PIGK: variants seen among roughly 807,000 people sequenced by gnomAD.
The protein encoded by PIGK is GPI-anchor transamidase.
PIGK carries 42 observed loss-of-function variants against 50.6 expected under a neutral mutation model. The observed-to-expected ratio is 0.83, with a 90% CI of 0.65 to 1.07. PIGK has a LOEUF of 1.07. Among genes scored for constraint, PIGK ranks in the 50% least tolerant of loss-of-function variants. PIGK has a pLI of 0.00. For synonymous variants in PIGK, 151 were observed against 156.0 expected, an observed-to-expected ratio of 0.97 and a Z score of 0.24; for missense variants, 448 against 488.7, an observed-to-expected ratio of 0.92 and a Z score of 0.78.
chr1:77,169,946 C>T lies in PIGK; in HGVS notation c.240-551G>A, dbSNP rs1169055368. Among the ~76,000 whole-genome samples, 4 of 152,254 alleles carry T rather than the reference C, an allele frequency of 2.6e-5. No homozygotes were observed. The East Asian group carries it at 7.7e-4, about 29-fold the overall frequency. ...ACAATCAGTTTAGCACAAGAGCACA[C>T]CTCCAAGCCAATCACTCCTCACAAG... On this transcript the variant is annotated intron_variant, in intron 3 of 10. Transcript: ENST00000370812.
intron 3 of PIGK, among the ~76,000 whole-genome samples, chr1:77,189,848 C>A (rs1396507137): frequency 6.6e-6 from 1 of 150,674 alleles, no homozygotes; most frequent in Non-Finnish European, 1.5e-5. Flanking sequence ...CCTAATACAA[C>A]TCAGTATGTC....
intron 3 of PIGK, among the ~76,000 whole-genome samples, chr1:77,181,393 G>A (rs531189492): frequency 9.2e-5 from 14 of 152,114 alleles, no homozygotes; most frequent in East Asian, 7.7e-4. Context: ...ACAACTTTTC[G>A]TTTGTAATAA....
intron 10 of PIGK, among the ~76,000 whole-genome samples, chr1:77,110,336 A>C (rs1415235223): frequency 6.6e-6 from 1 of 152,176 alleles, no homozygotes; most frequent in Non-Finnish European, 1.5e-5. Context: ...AGCTGGAGGC[A>C]TCACACTACC....
chr1:77,192,454 T>C (rs1025348988), intron 3 of PIGK, among the ~76,000 whole-genome samples: 4 of 152,154 alleles, frequency 2.6e-5, no homozygotes, highest in Non-Finnish European at 4.4e-5. Context: ...AGATTCCACA[T>C]TGCAATAAGA....
chr1:77,116,562 C>G lies in PIGK; in HGVS notation c.1071+5713G>C, dbSNP rs1055576525. On this transcript the variant is annotated intron_variant, in intron 10 of 10. Coordinates refer to ENST00000370812, the MANE Select transcript of PIGK (RefSeq NM_005482.3). ...CTAAACAAGCTGTTTAAATGTGTCT[C>G]TGTGTGTGTGTGTGTGTGTGTGTGT... 4.9e-4 allele frequency among the ~76,000 whole-genome samples: 66 copies of G among 135,088 alleles called. No homozygotes were observed. In the East Asian group the frequency reaches 8.5e-3, roughly 17 times the overall value. 88.6% of individuals were successfully genotyped at this position (135,088 alleles called of 152,430 possible). A position where few individuals can be genotyped will look rare whatever the true frequency, so the allele number is the denominator to read the frequency against.
At chr1:77,155,530 C>T (rs1238244487) in intron 8 of PIGK, among the ~76,000 whole-genome samples, 1 of 151,966 alleles carries the variant, frequency 6.6e-6, no homozygotes, top group Non-Finnish European at 1.5e-5. Flanking sequence ...ATGATAAGTC[C>T]CACTTCAGAA....
At chr1:77,107,394 C>T (rs1391703807) in intron 10 of PIGK, among the ~76,000 whole-genome samples, 2 of 152,118 alleles carry the variant, frequency 1.3e-5, no homozygotes, top group African/African-American at 4.8e-5. Context: ...TGTAGTTGAG[C>T]AGTTTTCAGT....
At chr1:77,215,385 G>A (rs1656530496) in intron 1 of PIGK, among the ~76,000 whole-genome samples, 1 of 151,982 alleles carries the variant, frequency 6.6e-6, no homozygotes, top group Non-Finnish European at 1.5e-5. Context: ...TCATCTTAGT[G>A]CCTATTATCA....
At chr1:77,111,027 C>T (rs531393097) in intron 10 of PIGK, among the ~76,000 whole-genome samples, 63 of 152,218 alleles carry the variant, frequency 4.1e-4, no homozygotes, top group African/African-American at 1.4e-3. Context: ...CACTGGCCAT[C>T]AGAGAAATGC....
intron 9 of PIGK, among the ~76,000 whole-genome samples, chr1:77,140,709 A>C (rs375768193): frequency 3.9e-5 from 6 of 152,178 alleles, no homozygotes; most frequent in Admixed American, 6.5e-5. Flanking sequence ...AACAAAAAAA[A>C]CCACTACATT....
In PIGK at chr1:77,110,507, G is replaced by A. The variant is rs530289714; in HGVS notation, c.1071+11768C>T. ...CAAACCTGACAAAAACAAGAACAAG[G>A]GAAAGGATTCCCTATTTAATAAATG... On this transcript the variant is annotated intron_variant, in intron 10 of 10. Transcript: ENST00000370812. 3.9e-5 allele frequency among the ~76,000 whole-genome samples: 6 copies of A among 152,180 alleles called. No individual in the cohort carries two copies. In the South Asian group the frequency reaches 8.3e-4, roughly 21 times the overall value.
At chr1:77,188,699 T>C (rs1275402068) in intron 3 of PIGK, among the ~76,000 whole-genome samples, 1 of 152,202 alleles carries the variant, frequency 6.6e-6, no homozygotes. Context: ...TTGTGGCTTG[T>C]GGGGCATCAC....
intron 3 of PIGK, among the ~76,000 whole-genome samples, chr1:77,187,701 A>G (rs771353322): frequency 1.3e-4 from 20 of 152,192 alleles, no homozygotes; most frequent in African/African-American, 1.9e-4. Context: ...ATTAAGGTCA[A>G]TGGGAAACTA....
At position 77,107,742 on chromosome 1, in the gene PIGK, C is replaced by G. The variant is rs370529092; in HGVS notation, c.1071+14533G>C. On this transcript the variant is annotated intron_variant, in intron 10 of 10. Coordinates refer to ENST00000370812, the MANE Select transcript of PIGK (RefSeq NM_005482.3). ...GGAGTCTAAGTCTCTTTGTAGGTCT[C>G]TAACGACTTGCTTTATGAATCTGGG... is the stretch of plus-strand genomic sequence containing the variant. Among the ~76,000 whole-genome samples the G allele has an allele frequency of 4.6e-5, 7 of 152,146 alleles. No individual in the cohort carries two copies. The East Asian group carries it at 5.8e-4, about 13-fold the overall frequency.
chr1:77,154,943 C>G (rs1377528768), intron 8 of PIGK, among the ~76,000 whole-genome samples: 3 of 152,154 alleles, frequency 2.0e-5, no homozygotes, highest in Admixed American at 1.3e-4. Context: ...ACGATGAAAA[C>G]AGAATTGCTC....
At chr1:77,214,021 T>C (rs1196793258) in intron 1 of PIGK, among the ~76,000 whole-genome samples, 1 of 152,128 alleles carries the variant, frequency 6.6e-6, no homozygotes, top group Admixed American at 6.6e-5. Context: ...GGCTGAGTAA[T>C]GCGCTTGAAG....
At chr1:77,172,322 T>C (rs1406121503) in intron 3 of PIGK, among the ~76,000 whole-genome samples, 2 of 152,154 alleles carry the variant, frequency 1.3e-5, no homozygotes, top group Non-Finnish European at 2.9e-5. Context: ...TTCAAATAAG[T>C]AAAATGCCAA....
chr1:77,197,164 G>A (rs1394366290), intron 3 of PIGK, among the ~76,000 whole-genome samples: 1 of 152,132 alleles, frequency 6.6e-6, no homozygotes, highest in Non-Finnish European at 1.5e-5. Flanking sequence ...AAGCAAAGGA[G>A]AACAAAGCTG....
intron 3 of PIGK, among the ~76,000 whole-genome samples, chr1:77,200,654 T>C (rs913145432): frequency 2.0e-5 from 3 of 152,212 alleles, no homozygotes; most frequent in Non-Finnish European, 2.9e-5. Flanking sequence ...TCATTCATTA[T>C]AAATGTTACA....
Sources: allele counts gnomAD v4.1 joint callset (sites outside exome capture counted in the v4.1 genomes callset), GRCh38; gene constraint gnomAD v4.1.1; transcripts MANE v1.5; gene names NCBI Gene and HGNC (gene_info 2026-07-23, HGNC 2026-07-21).